The following NTM variants were observed in gnomAD, a reference collection of about 807,000 sequenced individuals.
NTM encodes the protein IgLON family member 2.
A neutral mutation model predicts 42.1 loss-of-function variants in NTM; 13 were observed. That is an observed-to-expected ratio of 0.31 (90% CI 0.20 to 0.49). The LOEUF is 0.49. NTM is among the 20% of genes least tolerant of loss of function. The pLI is 0.99. For synonymous variants in NTM, 187 were observed against 179.2 expected, an observed-to-expected ratio of 1.04 and a Z score of -0.35; for missense variants, 373 against 452.8, an observed-to-expected ratio of 0.82 and a Z score of 1.60.
chr11:132,230,209 G>A (rs961167216), intron 4 of NTM, among the ~76,000 whole-genome samples: 2 of 152,198 alleles, frequency 1.3e-5, no homozygotes, highest in African/African-American at 4.8e-5. Context: ...CATGCTGAGT[G>A]GGGAACAGCA....
intron 1 of NTM, among the ~76,000 whole-genome samples, chr11:131,504,830 C>A (rs144633450): frequency 6.6e-6 from 1 of 152,176 alleles, no homozygotes; most frequent in Non-Finnish European, 1.5e-5. Flanking sequence ...CCTGCATGCA[C>A]ATATGCCTGC....
intron 2 of NTM, among the ~76,000 whole-genome samples, chr11:131,967,615 C>T (rs549091619): frequency 1.3e-5 from 2 of 152,286 alleles, no homozygotes; most frequent in Admixed American, 1.3e-4. Flanking sequence ...CAACCAACTT[C>T]CCTTTCACTC....
At chr11:131,941,029 G>A (rs527284196) in intron 2 of NTM, among the ~76,000 whole-genome samples, 1 of 152,208 alleles carries the variant, frequency 6.6e-6, no homozygotes, top group East Asian at 1.9e-4. Flanking sequence ...ATGGCAGTGC[G>A]CATAGGGCAC....
chr11:131,862,318 C>T (rs2046725659), intron 1 of NTM, among the ~76,000 whole-genome samples: 1 of 152,154 alleles, frequency 6.6e-6, no homozygotes, highest in Non-Finnish European at 1.5e-5. Flanking sequence ...TGACTTTCTC[C>T]CCAACTCCTG....
At chr11:132,084,821 G>A (rs2059504473) in intron 2 of NTM, among the ~76,000 whole-genome samples, 1 of 152,014 alleles carries the variant, frequency 6.6e-6, no homozygotes, top group Non-Finnish European at 1.5e-5. Flanking sequence ...TCTTGTACCA[G>A]GGAGAGAAAG....
chr11:132,326,174 AAAAT>A (rs948469145), intron 7 of NTM, among the ~76,000 whole-genome samples: 1 of 152,130 alleles, frequency 6.6e-6, no homozygotes, highest in Non-Finnish European at 1.5e-5. Flanking sequence ...AAATAATAAT[AAAAT>A]AAAAAATAAA....
chr11:131,915,807 T>C (rs556898412), intron 2 of NTM, among the ~76,000 whole-genome samples: 2 of 152,322 alleles, frequency 1.3e-5, no homozygotes, highest in African/African-American at 4.8e-5. Flanking sequence ...CATCAGATCC[T>C]GTGAGACTGA....
intron 1 of NTM, among the ~76,000 whole-genome samples, chr11:131,569,336 G>A (rs2057221417): frequency 6.6e-6 from 1 of 150,834 alleles, no homozygotes; most frequent in African/African-American, 2.4e-5. Context: ...AGTAGAGACA[G>A]GGTTTAACCA....
chr11:131,740,305 G>T (rs1456728628), intron 1 of NTM, among the ~76,000 whole-genome samples: 3 of 152,188 alleles, frequency 2.0e-5, no homozygotes, highest in East Asian at 3.9e-4. Context: ...GTCTCAAGGG[G>T]TGTTGTGAGG....
Position 132,317,721 on chromosome 11 carries a change from T to A in NTM, c.934+3018T>A, listed in dbSNP as rs112707556. Reference sequence around the variant, plus strand: ...TATCTTCCTTGCTTTATGTTTTGTCTCCCCTTCCCTCTATCCCAGAGGCCC... The same window carrying A: ...TATCTTCCTTGCTTTATGTTTTGTCACCCCTTCCCTCTATCCCAGAGGCCC... On this transcript the variant is annotated intron_variant, in intron 7 of 8. Transcript: ENST00000683400. 3.7e-5 allele frequency: 47 copies of A among 1,278,516 alleles called. No individual in the cohort carries two copies. In the African/African-American group the frequency reaches 7.2e-4, roughly 20 times the overall value. 79.2% of individuals were successfully genotyped at this position (1,278,516 alleles called of 1,614,324 possible). A position where few individuals can be genotyped will look rare whatever the true frequency, so the allele number is the denominator to read the frequency against.
Position 132,146,686 on chromosome 11 carries a change from ATTTTC to A in NTM, c.400+173_400+177del. 2 of 575,920 alleles carry A rather than the reference ATTTTC, an allele frequency of 3.5e-6. No homozygotes were observed. The highest frequency in any genetic ancestry group is 3.1e-5 in the South Asian group (1 of 32,210). The allele number at this position is 575,920 out of a possible 1,614,324, so 35.7% of individuals were successfully genotyped here. ...CAGTTAGAAGCTAAATTTTCCAGTC[ATTTTC>A]ATTGAGTGGAACTAGGAATTGTTTT... On this transcript the variant is annotated intron_variant, in intron 3 of 8. Transcript: ENST00000683400. The surrounding 1 kb of genome is among the most constrained non-coding windows in gnomAD (Gnocchi z 4.5).
chr11:132,172,337 T>A (rs1270905977), intron 3 of NTM, among the ~76,000 whole-genome samples: 3 of 152,208 alleles, frequency 2.0e-5, no homozygotes, highest in African/African-American at 7.2e-5. Flanking sequence ...TTGAACCTTC[T>A]CTGCCTCCTG....
chr11:131,733,566 C>T (rs746033547), intron 1 of NTM, among the ~76,000 whole-genome samples: 14 of 151,388 alleles, frequency 9.2e-5, no homozygotes, highest in Non-Finnish European at 1.5e-4. Flanking sequence ...CTCACTCGGT[C>T]ACCCAGGCTA....
chr11:131,666,493 C>T (rs1467175782), intron 1 of NTM, among the ~76,000 whole-genome samples: 1 of 152,188 alleles, frequency 6.6e-6, no homozygotes, highest in African/African-American at 2.4e-5. Flanking sequence ...TGACTGCCCC[C>T]AGCCTGGCCT....
chr11:131,564,280 G>GTT (rs1254219401), intron 1 of NTM, among the ~76,000 whole-genome samples: 2 of 151,832 alleles, frequency 1.3e-5, no homozygotes, highest in Non-Finnish European at 2.9e-5. Context: ...TTATTTATTT[G>GTT]TTTGTTTTTA....
At chr11:132,074,802 CTA>C (rs2058152109) in intron 2 of NTM, among the ~76,000 whole-genome samples, 1 of 152,016 alleles carries the variant, frequency 6.6e-6, no homozygotes, top group African/African-American at 2.4e-5. Flanking sequence ...TGTAGGATGA[CTA>C]TAAAAATAAT....
At chr11:131,879,721 C>T (rs999468175) in intron 1 of NTM, among the ~76,000 whole-genome samples, 13 of 123,004 alleles carry the variant, frequency 1.1e-4, no homozygotes, top group African/African-American at 4.4e-4. Flanking sequence ...AATCTAGCTC[C>T]TGAGGTCTTG....
At chr11:132,184,364 T>A (rs2078068575) in intron 3 of NTM, among the ~76,000 whole-genome samples, 1 of 152,218 alleles carries the variant, frequency 6.6e-6, no homozygotes, top group East Asian at 1.9e-4. Flanking sequence ...TTGTGCTTCC[T>A]TGGCACAGCT....
intron 1 of NTM, among the ~76,000 whole-genome samples, chr11:131,637,068 TCTG>T (rs2064492337): frequency 6.6e-6 from 1 of 152,182 alleles, no homozygotes; most frequent in Non-Finnish European, 1.5e-5. Context: ...AAATGAAACA[TCTG>T]CTTCTTAGTC....
Sources: gnomAD v4.1 joint callset for allele counts (sites outside exome capture counted in the v4.1 genomes callset) on GRCh38, gnomAD v4.1.1 for gene constraint, Gnocchi (gnomAD v3.1) non-coding constraint, MANE v1.5 for transcripts, NCBI Gene and HGNC (gene_info 2026-07-23, HGNC 2026-07-21) for gene names.